ZNF490: variants seen among roughly 807,000 people sequenced by gnomAD.
ZNF490 encodes zinc finger protein 490.
A neutral mutation model predicts 17.7 loss-of-function variants in ZNF490; 11 were observed. The ratio of observed to expected loss-of-function variants is 0.62; its 90% confidence interval spans 0.39 to 1.03. The LOEUF (loss-of-function observed/expected upper bound fraction) is 1.03. Among genes scored for constraint, ZNF490 ranks in the 50% least tolerant of loss-of-function variants. ZNF490 has a pLI of 0.00. For missense variants in ZNF490, 542 were observed against 643.4 expected (o/e 0.84, Z 1.71); for synonymous variants, 222 against 216.1 (o/e 1.03, Z -0.24).
intron 2 of ZNF490, among the ~76,000 whole-genome samples, chr19:12,608,924 C>CAAAGGATG (rs2023105815): frequency 6.6e-6 from 1 of 152,026 alleles, no homozygotes; most frequent in African/African-American, 2.4e-5. Context: ...TGTGATATTC[C>CAAAGGATG]AAAGGATGCA....
In ZNF490 at chr19:12,579,326, G is replaced by GC. The variant is rs2022691600; in HGVS notation, c.*1158_*1159insG. On this transcript the variant is annotated 3_prime_UTR_variant, in exon 5 of 5. Coordinates refer to ENST00000311437, the MANE Select transcript of ZNF490 (RefSeq NM_020714.3). Reference sequence around the variant, plus strand: ...AGCACTTTGGGAGGCCAAGGCAGGTGGATTACCTGAGGTCAGGAGTTCAAG... The same window carrying GC: ...AGCACTTTGGGAGGCCAAGGCAGGTGCGATTACCTGAGGTCAGGAGTTCAAG... 1.3e-5 allele frequency: 2 copies of GC among 151,354 alleles called. No homozygotes were observed. The highest frequency in any genetic ancestry group is 2.9e-5 in the Non-Finnish European group (2 of 67,902). 9.4% of individuals were successfully genotyped at this position (151,354 alleles called of 1,614,324 possible). A position where few individuals can be genotyped will look rare whatever the true frequency, so the allele number is the denominator to read the frequency against.
At chr19:12,602,121 CA>C (rs2023015073) in intron 2 of ZNF490, among the ~76,000 whole-genome samples, 1 of 148,986 alleles carries the variant, frequency 6.7e-6, no homozygotes, top group Admixed American at 6.8e-5. Flanking sequence ...CACACACACA[CA>C]CACACATATA....
chr19:12,590,800 G>A (rs2022860939), intron 2 of ZNF490, among the ~76,000 whole-genome samples: 1 of 152,104 alleles, frequency 6.6e-6, no homozygotes, highest in African/African-American at 2.4e-5. Flanking sequence ...AAAGGCAGCT[G>A]GGTGTGGTGG....
chr19:12,610,757 C>A lies in ZNF490; in HGVS notation c.-77G>T. 1 of 1,417,504 alleles carries A rather than the reference C, an allele frequency of 7.1e-7. No individual in the cohort carries two copies. The highest frequency in any genetic ancestry group is 1.4e-5 in the African/African-American group (1 of 71,334). 87.8% of individuals were successfully genotyped at this position (1,417,504 alleles called of 1,614,324 possible). ...AGATCCGGAACAATTTCTGCTTCAA[C>A]ACAATTGTCCACGGAGGGCACCAGT... On this transcript the variant is annotated 5_prime_UTR_variant, in exon 1 of 5. Transcript: ENST00000311437.
At chr19:12,601,226 A>G (rs1410544824) in intron 2 of ZNF490, among the ~76,000 whole-genome samples, 1 of 151,782 alleles carries the variant, frequency 6.6e-6, no homozygotes, top group Non-Finnish European at 1.5e-5. Flanking sequence ...GTCTCTACTA[A>G]AAATACAAAA....
intron 2 of ZNF490, among the ~76,000 whole-genome samples, chr19:12,599,139 CAAAAAA>C (rs55911311): frequency 9.8e-4 from 67 of 68,622 alleles, no homozygotes; most frequent in African/African-American, 4.4e-3. Flanking sequence ...GACTCTGTCT[CAAAAAA>C]AAAAAAAAAA....
chr19:12,596,191 G>C lies in ZNF490; in HGVS notation c.163-12635C>G, dbSNP rs997825101. ...GAGGCATAAGAGTTGCTTCAACCTG[G>C]GAGGCAGGGGTTGCAGTGAACTGAG... On this transcript the variant is annotated intron_variant, in intron 2 of 4. Coordinates refer to ENST00000311437, the MANE Select transcript of ZNF490 (RefSeq NM_020714.3). 2.0e-5 allele frequency among the ~76,000 whole-genome samples: 3 copies of C among 150,712 alleles called. No individual in the cohort carries two copies. The East Asian group carries it at 5.9e-4, about 29-fold the overall frequency.
chr19:12,578,343 G>A lies in ZNF490; in HGVS notation c.*2142C>T, dbSNP rs1330323689. 4 of 985,530 alleles carry A rather than the reference G, an allele frequency of 4.1e-6. No homozygotes were observed. The highest frequency in any genetic ancestry group is 4.8e-6 in the Non-Finnish European group (4 of 830,074). 61.0% of individuals were successfully genotyped at this position (985,530 alleles called of 1,614,324 possible). On this transcript the variant is annotated 3_prime_UTR_variant, in exon 5 of 5. Coordinates refer to ENST00000311437, the MANE Select transcript of ZNF490 (RefSeq NM_020714.3). ...CCACTAGCAGTTTTGAGATTATTCT[G>A]ACTGTGGTGGTTGGTGCAGGGCTGG...
At position 12,577,524 on chromosome 19, in the gene ZNF490, GAAGCGAA is replaced by G; in HGVS notation, c.*2954_*2960del. ...ACTACCATAAATGTTCCTGGTGAGA[GAAGCGAA>G]TGTTCCTGGTGAGAGAAGCGAAGGT... On this transcript the variant is annotated 3_prime_UTR_variant, in exon 5 of 5. Transcript: ENST00000311437. 1.7e-6 allele frequency: 1 copy of G among 580,020 alleles called. No individual in the cohort carries two copies. The highest frequency in any genetic ancestry group is 2.0e-6 in the Non-Finnish European group (1 of 512,624). The allele number at this position is 580,020 out of a possible 1,614,324, so 35.9% of individuals were successfully genotyped here. A position where few individuals can be genotyped will look rare whatever the true frequency, so the allele number is the denominator to read the frequency against.
chr19:12,604,132 G>A (rs974579078), intron 2 of ZNF490, among the ~76,000 whole-genome samples: 2 of 152,208 alleles, frequency 1.3e-5, no homozygotes, highest in African/African-American at 4.8e-5. Context: ...CAAAAACACG[G>A]CTCAGAGAGC....
chr19:12,609,724 G>T (rs2023120354), intron 1 of ZNF490: 1 of 287,480 alleles, frequency 3.5e-6, no homozygotes, highest in African/African-American at 2.3e-5. Context: ...GTGCGATGAT[G>T]CAAAAACAGA....
At chr19:12,610,212 T>C (rs2023129494) in intron 1 of ZNF490, among the ~76,000 whole-genome samples, 1 of 151,326 alleles carries the variant, frequency 6.6e-6, no homozygotes, top group Non-Finnish European at 1.5e-5. Context: ...TTTCCTTTTT[T>C]TTTTTTTCTT....
intron 2 of ZNF490, among the ~76,000 whole-genome samples, chr19:12,588,292 C>T (rs559923338): frequency 4.6e-5 from 7 of 152,160 alleles, no homozygotes; most frequent in African/African-American, 1.4e-4. Flanking sequence ...CCACCATGCC[C>T]GGCCAACACT....
intron 2 of ZNF490, among the ~76,000 whole-genome samples, chr19:12,603,286 A>G (rs1418023588): frequency 6.6e-6 from 1 of 152,042 alleles, no homozygotes; most frequent in Non-Finnish European, 1.5e-5. Flanking sequence ...CAGGAGTTCA[A>G]GACCAGCCTG....
At chr19:12,591,026 C>T (rs1282874502) in intron 2 of ZNF490, among the ~76,000 whole-genome samples, 1 of 151,722 alleles carries the variant, frequency 6.6e-6, no homozygotes, top group Non-Finnish European at 1.5e-5. Flanking sequence ...TATATAAAAT[C>T]TAGATGACCT....
At chr19:12,594,346 A>G (rs2022907660) in intron 2 of ZNF490, among the ~76,000 whole-genome samples, 1 of 152,060 alleles carries the variant, frequency 6.6e-6, no homozygotes, top group African/African-American at 2.4e-5. Flanking sequence ...CACACCTGTA[A>G]TCCCAGCTAC....
chr19:12,583,830 T>G (rs1484726294), intron 2 of ZNF490, among the ~76,000 whole-genome samples: 2 of 91,188 alleles, frequency 2.2e-5, no homozygotes, highest in African/African-American at 8.0e-5. Flanking sequence ...TTTTTTTTTT[T>G]GAAACATTCT....
intron 1 of ZNF490, 75 bp downstream of exon 1, chr19:12,610,487 TGG>T: frequency 8.6e-7 from 1 of 1,159,298 alleles, no homozygotes; most frequent in Non-Finnish European, 1.3e-6. Context: ...TTACACATGA[TGG>T]GGTAACCGTC....
At chr19:12,582,519 C>T (rs1290965837) in intron 4 of ZNF490, among the ~76,000 whole-genome samples, 5 of 151,924 alleles carry the variant, frequency 3.3e-5, no homozygotes, top group South Asian at 2.1e-4. Context: ...CTCAGCCTCC[C>T]GAGTAGCTGG....
Sources: allele counts gnomAD v4.1 joint callset (sites outside exome capture counted in the v4.1 genomes callset), GRCh38; gene constraint gnomAD v4.1.1; transcripts MANE v1.5; gene names NCBI Gene and HGNC (gene_info 2026-07-23, HGNC 2026-07-21).